ZSWIM6: variants seen among roughly 807,000 people sequenced by gnomAD.
The protein encoded by ZSWIM6 is zinc finger SWIM domain-containing protein 6.
ZSWIM6 carries 9 observed loss-of-function variants against 113.2 expected under a neutral mutation model. The observed-to-expected ratio is 0.08, with a 90% CI of 0.05 to 0.14. The LOEUF is 0.14. ZSWIM6 is among the 10% of genes least tolerant of loss of function. The probability of loss-of-function intolerance (pLI) is 1.00; values close to 1 mark genes in which losing one functional copy is unlikely to be tolerated. For synonymous variants in ZSWIM6, 611 were observed against 606.5 expected (o/e 1.01, Z -0.11); for missense variants, 1,162 against 1,552.2 (o/e 0.75, Z 4.22).
chr5:61,351,165 G>GCAT (rs1346645856), intron 1 of ZSWIM6, among the ~76,000 whole-genome samples: 1 of 152,034 alleles, frequency 6.6e-6, no homozygotes, highest in African/African-American at 2.4e-5. Flanking sequence ...TATTCATCGA[G>GCAT]GTGTATCATG....
At chr5:61,464,158 A>ATT (rs869288331) in intron 1 of ZSWIM6, among the ~76,000 whole-genome samples, 661 of 43,376 alleles carry the variant, frequency 0.015, 28 homozygotes, top group East Asian at 0.031. Context: ...CACCCGGCTA[A>ATT]TTTTTTTTTT....
intron 11 of ZSWIM6, 88 bp downstream of exon 11, chr5:61,539,059 A>C: frequency 1.5e-6 from 2 of 1,377,044 alleles, no homozygotes; most frequent in Non-Finnish European, 1.9e-6. Flanking sequence ...AATTCTCAGC[A>C]GTGGTGTTAA....
chr5:61,468,246 G>A (rs900201197), intron 1 of ZSWIM6, among the ~76,000 whole-genome samples: 1 of 152,092 alleles, frequency 6.6e-6, no homozygotes, highest in Non-Finnish European at 1.5e-5. Flanking sequence ...ATACAACACC[G>A]TGCCTTGGTT....
intron 1 of ZSWIM6, among the ~76,000 whole-genome samples, chr5:61,433,152 T>C (rs1423930105): frequency 1.3e-5 from 2 of 152,212 alleles, no homozygotes; most frequent in African/African-American, 4.8e-5. Flanking sequence ...AAAGTTTTAG[T>C]GCTATCAAAA....
At chr5:61,393,045 T>C (rs1267352607) in intron 1 of ZSWIM6, among the ~76,000 whole-genome samples, 1 of 151,882 alleles carries the variant, frequency 6.6e-6, no homozygotes, top group African/African-American at 2.4e-5. Context: ...ATTTATTTAT[T>C]TATTTATTTT....
At chr5:61,463,410 G>C (rs2112170923) in intron 1 of ZSWIM6, among the ~76,000 whole-genome samples, 1 of 152,296 alleles carries the variant, frequency 6.6e-6, no homozygotes, top group Non-Finnish European at 1.5e-5. Context: ...TGTTGAGGCT[G>C]TAATTCTAAT....
intron 1 of ZSWIM6, among the ~76,000 whole-genome samples, chr5:61,361,566 G>T (rs1745032681): frequency 6.6e-6 from 1 of 152,148 alleles, no homozygotes; most frequent in South Asian, 2.1e-4. Context: ...AGTACTGACA[G>T]GTTATTTGTA....
chr5:61,485,419 C>T (rs559372254), intron 2 of ZSWIM6, among the ~76,000 whole-genome samples: 1 of 152,304 alleles, frequency 6.6e-6, no homozygotes, highest in East Asian at 1.9e-4. Context: ...CTTCCCTCTT[C>T]TCCACTGTCT....
intron 2 of ZSWIM6, among the ~76,000 whole-genome samples, chr5:61,477,699 C>G (rs570689353): frequency 6.6e-6 from 1 of 152,302 alleles, no homozygotes; most frequent in East Asian, 1.9e-4. Flanking sequence ...AACAAACAAG[C>G]AAATCTATTC....
chr5:61,464,841 C>A (rs991694504), intron 1 of ZSWIM6, among the ~76,000 whole-genome samples: 1 of 152,252 alleles, frequency 6.6e-6, no homozygotes, highest in Non-Finnish European at 1.5e-5. Flanking sequence ...TCTGCTTCCT[C>A]CTCGTTTACA....
chr5:61,380,642 C>T (rs1348728597), intron 1 of ZSWIM6, among the ~76,000 whole-genome samples: 1 of 152,090 alleles, frequency 6.6e-6, no homozygotes, highest in African/African-American at 2.4e-5. Flanking sequence ...CTGTTTGGCA[C>T]CTAGCAGGTA....
intron 1 of ZSWIM6, among the ~76,000 whole-genome samples, chr5:61,399,005 C>T (rs1396393916): frequency 7.0e-6 from 1 of 142,506 alleles, no homozygotes; most frequent in Non-Finnish European, 1.5e-5. Context: ...TCACTGCAAC[C>T]TCCGCCTCCT....
At chr5:61,454,244 T>G in intron 1 of ZSWIM6, among the ~76,000 whole-genome samples, 1 of 148,414 alleles carries the variant, frequency 6.7e-6, no homozygotes, top group South Asian at 2.1e-4. Flanking sequence ...TATTTTATTT[T>G]ATTTTATTTT....
intron 2 of ZSWIM6, among the ~76,000 whole-genome samples, chr5:61,485,032 A>G (rs1747978018): frequency 6.6e-6 from 1 of 152,148 alleles, no homozygotes. Flanking sequence ...TAACTTTTTA[A>G]GTAAGAATTC....
At chr5:61,456,589 A>G (rs1374245607) in intron 1 of ZSWIM6, among the ~76,000 whole-genome samples, 3 of 152,238 alleles carry the variant, frequency 2.0e-5, no homozygotes, top group African/African-American at 7.2e-5. Context: ...TTAGCCTTTC[A>G]AATGAATTTC....
At chr5:61,464,181 T>C (rs1747378389) in intron 1 of ZSWIM6, among the ~76,000 whole-genome samples, 1 of 136,230 alleles carries the variant, frequency 7.3e-6, no homozygotes, top group Admixed American at 7.4e-5. Context: ...TTTTTTTTTT[T>C]TTTTTTTTTT....
chr5:61,458,279 G>A (rs1747247967), intron 1 of ZSWIM6, among the ~76,000 whole-genome samples: 1 of 152,086 alleles, frequency 6.6e-6, no homozygotes, highest in Admixed American at 6.5e-5. Flanking sequence ...AAAAGTCTAG[G>A]TTTTCACCAT....
chr5:61,433,748 TA>T (rs1379299025), intron 1 of ZSWIM6, among the ~76,000 whole-genome samples: 1 of 152,088 alleles, frequency 6.6e-6, no homozygotes, highest in Non-Finnish European at 1.5e-5. Context: ...GTGCTGGGAT[TA>T]CAGGCGTGAG....
chr5:61,478,688 A>AGTGT lies in ZSWIM6; in HGVS notation c.1033+5664_1033+5667dup, dbSNP rs567824133. On this transcript the variant is annotated intron_variant, in intron 2 of 13. Transcript: ENST00000252744. Reference sequence around the variant, plus strand: ...GTTGCTGTGACCATCTTTATGTGTGAGTGTGTGTGTGTGTGTTTGTGTGTG... The same window carrying AGTGT: ...GTTGCTGTGACCATCTTTATGTGTGAGTGTGTGTGTGTGTGTGTGTTTGTGTGTG... Among the ~76,000 whole-genome samples the AGTGT allele has an allele frequency of 4.9e-4, 70 of 143,116 alleles. No individual in the cohort carries two copies. The East Asian group carries it at 0.01, about 21-fold the overall frequency. The allele number at this position is 143,116 out of a possible 152,430, so 93.9% of individuals were successfully genotyped here.
Sources: gnomAD v4.1 joint callset for allele counts (sites outside exome capture counted in the v4.1 genomes callset) on GRCh38, gnomAD v4.1.1 for gene constraint, MANE v1.5 for transcripts, NCBI Gene and HGNC (gene_info 2026-07-23, HGNC 2026-07-21) for gene names.